Variants in TRPM1 observed in about 807,000 individuals in gnomAD.
TRPM1 encodes TRPM1-203 APA Isoform, Intron 10.
A neutral mutation model predicts 149.4 loss-of-function variants in TRPM1; 113 were observed. The observed-to-expected ratio is 0.76, with a 90% CI of 0.65 to 0.88. The LOEUF (loss-of-function observed/expected upper bound fraction) is 0.88, where lower values mean the gene tolerates loss of function less well. TRPM1 is among the 40% of genes least tolerant of loss of function. The pLI, the probability that TRPM1 is intolerant of heterozygous loss-of-function variation, is 0.00. For missense variants in TRPM1, 1,976 were observed against 2,038.7 expected (o/e 0.97, Z 0.59); for synonymous variants, 741 against 759.5 (o/e 0.98, Z 0.40).
intron 1 of TRPM1, among the ~76,000 whole-genome samples, chr15:31,126,921 C>A (rs940659762): frequency 6.6e-6 from 1 of 152,016 alleles, no homozygotes; most frequent in Non-Finnish European, 1.5e-5. Context: ...GAGCTGAGAT[C>A]GTGCCACTGC....
chr15:31,152,590 A>T (rs773290625), intron 1 of TRPM1, among the ~76,000 whole-genome samples: 2 of 152,318 alleles, frequency 1.3e-5, no homozygotes, highest in Admixed American at 1.3e-4. Flanking sequence ...ATGCCTCAGC[A>T]TACCCTCCTT....
chr15:31,141,020 C>T (rs1388948769), intron 1 of TRPM1, among the ~76,000 whole-genome samples: 7 of 150,024 alleles, frequency 4.7e-5, no homozygotes, highest in African/African-American at 1.2e-4. Flanking sequence ...TTAGTAGAGA[C>T]GGGGTTTCAC....
At chr15:31,150,434 T>G (rs949837262) in intron 1 of TRPM1, among the ~76,000 whole-genome samples, 1 of 48,662 alleles carries the variant, frequency 2.1e-5, no homozygotes, top group East Asian at 1.3e-3. Flanking sequence ...TTTCTTTTCC[T>G]TTTTTTTTTT....
chr15:31,069,753 A>C, intron 4 of TRPM1: 2 of 1,440,570 alleles, frequency 1.4e-6, no homozygotes, highest in South Asian at 3.0e-5. Context: ...GGAGCAATGG[A>C]GTGTGTTTGC....
rs781463464 is a variant in TRPM1, at chr15:31,143,121, A to G, written c.54+17785T>C. ...GCTTTTTGCAGGCAACTATAATTCT[A>G]AAGTATTGTGTCTTCAAGGAGGTTT... is the stretch of plus-strand genomic sequence containing the variant. On this transcript the variant is annotated intron_variant, in intron 1 of 26. Transcript: ENST00000542188. Among the ~76,000 whole-genome samples the G allele has an allele frequency of 2.6e-5, 4 of 152,316 alleles. No homozygotes were observed. The South Asian group carries it at 8.3e-4, about 32-fold the overall frequency.
chr15:31,088,110 T>C (rs948938096), intron 1 of TRPM1, among the ~76,000 whole-genome samples: 3 of 152,214 alleles, frequency 2.0e-5, no homozygotes, highest in African/African-American at 7.2e-5. Context: ...GGAACTTTTC[T>C]GTCTAGCTAA....
chr15:31,115,952 A>G (rs1022264628), intron 1 of TRPM1, among the ~76,000 whole-genome samples: 1 of 152,102 alleles, frequency 6.6e-6, no homozygotes, highest in East Asian at 1.9e-4. Flanking sequence ...ATGTCCTCAC[A>G]TGGTGGAAGG....
Position 31,002,732 on chromosome 15 carries a change from G to T in TRPM1, c.3968C>A (p.Thr1323Asn), listed in dbSNP as rs1566982181. 1.2e-6 allele frequency: 2 copies of T among 1,614,158 alleles called. No homozygotes were observed. The highest frequency in any genetic ancestry group is 3.3e-5 in the Admixed American group (2 of 60,020). The change falls in exon 28 of 28, where the codon ACC (threonine) becomes AAC (asparagine). Residue 1323 changes from threonine to asparagine, a missense_variant. Coordinates refer to ENST00000256552, the MANE Select transcript of TRPM1 (RefSeq NM_001252024.2). Reference protein sequence around the residue: ...TSPGTGVRKKTCSFRIKEEKD... With the variant: ...TSPGTGVRKKNCSFRIKEEKD... ...CTCTTCCTTTATACGGAAGGAACAG[G>T]TTTTTTTCCTGACTCCTGTCCCTGG...
rs1443300801 is a variant in TRPM1, at chr15:31,042,195, CCTTTTTCTT to C, written c.1834_1842del (p.Lys612_Lys614del). 1.2e-6 allele frequency: 2 copies of C among 1,611,954 alleles called. No individual in the cohort carries two copies. Among genetic ancestry groups the C allele is most frequent in the African/African-American group, 2.7e-5 (2 of 74,856 alleles). On this transcript the variant is annotated inframe_deletion, in exon 17 of 28. Transcript: ENST00000256552. ...TCCACATCAATGTCGATCTCTTCCTCCTTTTTCTTCTTTTTCTTTTTCTTCCCTTTAGCT... is the reference window on the plus strand; with the variant it reads ...TCCACATCAATGTCGATCTCTTCCTCCTTTTTCTTTTTCTTCCCTTTAGCT...
At chr15:31,005,456 T>TCTATC (rs1299468057) in intron 27 of TRPM1, among the ~76,000 whole-genome samples, 2 of 152,002 alleles carry the variant, frequency 1.3e-5, no homozygotes, top group East Asian at 1.9e-4. Flanking sequence ...TCCCCTCACT[T>TCTATC]CTCTCCTCTC....
chr15:31,134,427 C>A (rs1002465669), intron 1 of TRPM1, among the ~76,000 whole-genome samples: 6 of 152,146 alleles, frequency 3.9e-5, no homozygotes, highest in Non-Finnish European at 8.8e-5. Context: ...ATAGAAGTTA[C>A]CCTTTTGCAA....
At chr15:31,132,705 C>T (rs957827181) in intron 1 of TRPM1, among the ~76,000 whole-genome samples, 1 of 152,180 alleles carries the variant, frequency 6.6e-6, no homozygotes, top group African/African-American at 2.4e-5. Flanking sequence ...CAAATCTCAT[C>T]TTAAATTGTA....
chr15:31,119,097 T>C (rs1567066124), intron 1 of TRPM1, among the ~76,000 whole-genome samples: 2 of 151,824 alleles, frequency 1.3e-5, no homozygotes, highest in Admixed American at 1.3e-4. Context: ...AAAAATTAGC[T>C]GGGCATGGTG....
chr15:31,088,930 G>A (rs922026804), intron 1 of TRPM1, among the ~76,000 whole-genome samples: 7 of 152,168 alleles, frequency 4.6e-5, no homozygotes, highest in Non-Finnish European at 8.8e-5. Flanking sequence ...GCAGAATTGC[G>A]TGGAAGCTGC....
At chr15:31,079,454 GCCAGGGAAACCGCTCT>G (rs1003217273) in intron 2 of TRPM1, among the ~76,000 whole-genome samples, 7 of 152,340 alleles carry the variant, frequency 4.6e-5, no homozygotes, top group African/African-American at 1.7e-4. Flanking sequence ...TTAACTCCTT[GCCAGGGAAACCGCTCT>G]CCAGGGCAGC....
chr15:31,041,475 C>T (rs1303120300), intron 17 of TRPM1, among the ~76,000 whole-genome samples: 2 of 152,152 alleles, frequency 1.3e-5, no homozygotes, highest in African/African-American at 4.8e-5. Flanking sequence ...ACCAGAGCCT[C>T]ACCTGCTGGT....
chr15:31,069,480 A>T, intron 4 of TRPM1: 1 of 1,057,226 alleles, frequency 9.5e-7, no homozygotes, highest in Non-Finnish European at 1.1e-6. Context: ...GGCATGTAGG[A>T]GTGTAATTCA....
chr15:31,017,266 G>A lies in TRPM1; in HGVS notation c.3629+8873C>T, dbSNP rs528172674. On this transcript the variant is annotated intron_variant, in intron 27 of 27. Transcript: ENST00000256552. Reference sequence around the variant, plus strand: ...GGAGGTTGCAGTGAGCCGAGATCACGCCACTGCACTCCAGCCTGAGCGACA... The same window carrying A: ...GGAGGTTGCAGTGAGCCGAGATCACACCACTGCACTCCAGCCTGAGCGACA... Among the ~76,000 whole-genome samples the A allele has an allele frequency of 2.6e-5, 4 of 152,170 alleles. No individual in the cohort carries two copies. The East Asian group carries it at 5.8e-4, about 22-fold the overall frequency.
chr15:31,142,036 T>C (rs928330296), intron 1 of TRPM1, among the ~76,000 whole-genome samples: 1 of 152,120 alleles, frequency 6.6e-6, no homozygotes, highest in African/African-American at 2.4e-5. Flanking sequence ...GCCCAGGCAA[T>C]TTAGTGGGAC....
Sources: gnomAD v4.1 joint callset for allele counts (sites outside exome capture counted in the v4.1 genomes callset) on GRCh38, gnomAD v4.1.1 for gene constraint, MANE v1.5 for transcripts, NCBI Gene and HGNC (gene_info 2026-07-23, HGNC 2026-07-21) for gene names.